The following ZFHX2 variants were observed in gnomAD, a reference collection of about 807,000 sequenced individuals.
ZFHX2 encodes zinc finger homeobox protein 2.
A neutral mutation model predicts 164.8 loss-of-function variants in ZFHX2; 75 were observed. That is an observed-to-expected ratio of 0.46 (90% confidence interval 0.38 to 0.55). The LOEUF is 0.55. Among genes scored for constraint, ZFHX2 ranks in the 20% least tolerant of loss-of-function variants. The probability of loss-of-function intolerance (pLI) is 0.00; values close to 1 mark genes in which losing one functional copy is unlikely to be tolerated. For missense variants in ZFHX2, 2,933 were observed against 3,308.0 expected (o/e 0.89, Z 2.78); for synonymous variants, 1,217 against 1,351.4 (o/e 0.90, Z 2.18).
upstream of ZFHX2, among the ~76,000 whole-genome samples, chr14:23,553,483 C>T (rs1449139482): frequency 6.6e-6 from 1 of 152,070 alleles, no homozygotes; most frequent in Non-Finnish European, 1.5e-5. Flanking sequence ...CCTGTAATCC[C>T]AGCTACTCGG....
chr14:23,547,358 T>C (rs1028495482), intron 1 of ZFHX2, among the ~76,000 whole-genome samples: 5 of 152,258 alleles, frequency 3.3e-5, no homozygotes, highest in African/African-American at 1.2e-4. Flanking sequence ...CCATTGTATA[T>C]ATACGGTTAT....
At position 23,534,232 on chromosome 14, in the gene ZFHX2, A is replaced by G; in HGVS notation, c.1094T>C (p.Val365Ala). The change falls in exon 2 of 10, where the codon GTA becomes GCA. Residue 365 changes from valine to alanine, a missense_variant. Physicochemically the swap from Val to Ala is moderately conservative, Grantham distance 64 (BLOSUM62 0). Transcript: ENST00000419474. This position sits in a 1 kb window ranked among gnomAD's most constrained non-coding sequence, Gnocchi z 4.5. ...PSPTQAKESP[V>A]AAGEAGPDWF... is the part of the protein sequence containing the mutation. Reference sequence around the variant, plus strand: ...ATCTGGCCCTGCCTCGCCTGCTGCTACTGGCGATTCTTTGGCTTGGGTTGG... The same window carrying G: ...ATCTGGCCCTGCCTCGCCTGCTGCTGCTGGCGATTCTTTGGCTTGGGTTGG... 6.6e-7 allele frequency: 1 copy of G among 1,518,034 alleles called. No homozygotes were observed. Among genetic ancestry groups the G allele is most frequent in the Non-Finnish European group, 8.8e-7 (1 of 1,136,842 alleles). 94.0% of individuals were successfully genotyped at this position (1,518,034 alleles called of 1,614,324 possible).
chr14:23,527,556 A>AATAAGGGAG, intron 7 of ZFHX2, 48 bp downstream of exon 7: 1 of 1,532,104 alleles, frequency 6.5e-7, no homozygotes, highest in Non-Finnish European at 8.7e-7. Flanking sequence ...CCTCCTGCAC[A>AATAAGGGAG]GCCCTAATAA....
chr14:23,523,174 G>GTCCA lies in ZFHX2; in HGVS notation c.6739+25_6739+28dup. The stretch of plus-strand genomic sequence containing the variant: ...TCATTAGAGGGGGATGTTCTCTGAA[G>GTCCA]TCCAGCTCCTCCCAGCCTCCCTACT... On this transcript the variant is annotated intron_variant, in intron 9 of 9. Transcript: ENST00000419474. The surrounding 1 kb of genome is among the most constrained non-coding windows in gnomAD (Gnocchi z 4.1). 1 of 1,413,446 alleles carries GTCCA rather than the reference G, an allele frequency of 7.1e-7. No homozygotes were observed. Among genetic ancestry groups the GTCCA allele is most frequent in the Non-Finnish European group, 9.2e-7 (1 of 1,089,628 alleles). The allele number at this position is 1,413,446 out of a possible 1,614,324, so 87.6% of individuals were successfully genotyped here. A position where few individuals can be genotyped will look rare whatever the true frequency, so the allele number is the denominator to read the frequency against.
intron 1 of ZFHX2, chr14:23,543,444 T>C (rs1199137942): frequency 6.6e-6 from 1 of 152,314 alleles, no homozygotes; most frequent in Non-Finnish European, 1.5e-5. Context: ...TGAGGTCTTT[T>C]GAGTCTGATT....
chr14:23,522,201 T>C lies in ZFHX2; in HGVS notation c.7480A>G (p.Thr2494Ala). Residue 2494 changes from threonine (T) to alanine (A), a missense_variant, in exon 10 of 10, where the codon ACC (threonine) becomes GCC (alanine). Coordinates refer to ENST00000419474, the MANE Select transcript of ZFHX2 (RefSeq NM_033400.3). ...MPPPLRVPIC[T>A]YHCLACEVLL... ...ACCTCACATGCCAGGCAGTGGTAGG[T>C]GCAGATGGGCACCCGCAATGGGGGT... The C allele has an allele frequency of 6.7e-7, 1 of 1,483,790 alleles. No homozygotes were observed. Among genetic ancestry groups the C allele is most frequent in the Non-Finnish European group, 8.9e-7 (1 of 1,119,946 alleles). The allele number at this position is 1,483,790 out of a possible 1,614,324, so 91.9% of individuals were successfully genotyped here. A position where few individuals can be genotyped will look rare whatever the true frequency, so the allele number is the denominator to read the frequency against.
Position 23,534,980 on chromosome 14 carries a change from A to G in ZFHX2, c.346T>C (p.Phe116Leu). The G allele has an allele frequency of 6.5e-7, 1 of 1,536,130 alleles. No homozygotes were observed. Among genetic ancestry groups the G allele is most frequent in the Non-Finnish European group, 8.7e-7 (1 of 1,146,906 alleles). Reference protein sequence around the residue: ...PPMDLSNHLFFTAGGEAYLVA... With the variant: ...PPMDLSNHLFLTAGGEAYLVA... ...AGGTAGGCCTCACCTCCAGCTGTGAAGAATAAGTGGTTGCTTAGGTCCATG... is the reference window on the plus strand; with the variant it reads ...AGGTAGGCCTCACCTCCAGCTGTGAGGAATAAGTGGTTGCTTAGGTCCATG... The change falls in exon 2 of 10, where the codon TTC becomes CTC. Residue 116 changes from phenylalanine to leucine, a missense_variant. Phe to Leu is a conservative substitution (Grantham distance 22). Transcript: ENST00000419474. This position sits in a 1 kb window ranked among gnomAD's most constrained non-coding sequence, Gnocchi z 4.5.
upstream of ZFHX2, among the ~76,000 whole-genome samples, chr14:23,553,447 A>G (rs2138961613): frequency 6.6e-6 from 1 of 152,070 alleles, no homozygotes; most frequent in Admixed American, 6.5e-5. Context: ...TAAAAATACA[A>G]AATTAGCTGG....
At position 23,534,329 on chromosome 14, in the gene ZFHX2, G is replaced by A; in HGVS notation, c.997C>T (p.Leu333Phe). 2 of 1,536,540 alleles carry A rather than the reference G, an allele frequency of 1.3e-6. No individual in the cohort carries two copies. Among genetic ancestry groups the A allele is most frequent in the Non-Finnish European group, 8.7e-7 (1 of 1,146,954 alleles). The change falls in exon 2 of 10, where the codon CTT becomes TTT. Residue 333 changes from leucine to phenylalanine, a missense_variant. Leu to Phe is a conservative substitution (Grantham distance 22, BLOSUM62 0). Coordinates refer to ENST00000419474, the MANE Select transcript of ZFHX2 (RefSeq NM_033400.3). This position sits in a 1 kb window ranked among gnomAD's most constrained non-coding sequence, Gnocchi z 4.5. ...DGPPEAEVQA[L>F]ILLDEEVMAL... ...ATAACTTCTTCATCCAGGAGGATAA[G>A]GGCCTGGACTTCTGCCTCAGGGGGG...
chr14:23,552,435 GGCAT>G (rs1328255014), upstream of ZFHX2, among the ~76,000 whole-genome samples: 2 of 151,810 alleles, frequency 1.3e-5, no homozygotes, highest in Admixed American at 1.3e-4. Flanking sequence ...TGGGATTACA[GGCAT>G]GCATCAACAC....
chr14:23,526,996 G>A (rs1016615008), intron 7 of ZFHX2, 23 bp from the exon 8 acceptor site: 26 of 1,484,346 alleles, frequency 1.8e-5, no homozygotes, highest in Non-Finnish European at 2.1e-5. Flanking sequence ...AAAGCCTAGT[G>A]GCTTCACCAC....
At chr14:23,527,160 C>T (rs2138702134) in intron 7 of ZFHX2, among the ~76,000 whole-genome samples, 187 bp from the exon 8 acceptor site, 1 of 152,286 alleles carries the variant, frequency 6.6e-6, no homozygotes. Context: ...GCTGCTACCT[C>T]TCCTATCTGG....
At chr14:23,536,757 C>G (rs1277242218) in intron 1 of ZFHX2, among the ~76,000 whole-genome samples, 1 of 152,170 alleles carries the variant, frequency 6.6e-6, no homozygotes, top group Non-Finnish European at 1.5e-5. Flanking sequence ...ACTGAGTAAA[C>G]CCCAAAGTTG....
At chr14:23,540,466 A>C (rs759199077) in intron 1 of ZFHX2, among the ~76,000 whole-genome samples, 2 of 152,176 alleles carry the variant, frequency 1.3e-5, no homozygotes, top group Non-Finnish European at 2.9e-5. Flanking sequence ...CCTGTTGATT[A>C]CAAGAGGAGG....
At position 23,534,923 on chromosome 14, in the gene ZFHX2, C is replaced by G; in HGVS notation, c.403G>C (p.Glu135Gln). 6.5e-7 allele frequency: 1 copy of G among 1,536,172 alleles called. No individual in the cohort carries two copies. Among genetic ancestry groups the G allele is most frequent in the South Asian group, 1.2e-5 (1 of 84,064 alleles). Residue 135 changes from glutamate to glutamine, a missense_variant, in exon 2 of 10, where the codon GAA becomes CAA. Coordinates refer to ENST00000419474, the MANE Select transcript of ZFHX2 (RefSeq NM_033400.3). This position sits in a 1 kb window ranked among gnomAD's most constrained non-coding sequence, Gnocchi z 4.5. Reference sequence around the variant, plus strand: ...GGGAAGCCCTTTGGTAACAGGAGTTCACTGCCACCTGGCAGGGACAGCTTG... The same window carrying G: ...GGGAAGCCCTTTGGTAACAGGAGTTGACTGCCACCTGGCAGGGACAGCTTG... ...VAKLSLPGGS[E>Q]LLLPKGFPWG...
chr14:23,531,352 C>T, intron 4 of ZFHX2, 129 bp downstream of exon 4: 2 of 1,265,674 alleles, frequency 1.6e-6, no homozygotes, highest in Non-Finnish European at 2.0e-6. Context: ...GCAGCTTCTT[C>T]CCATTTAGTA....
intron 6 of ZFHX2, among the ~76,000 whole-genome samples, chr14:23,528,016 C>T (rs1879000612): frequency 6.6e-6 from 1 of 151,474 alleles, no homozygotes; most frequent in South Asian, 2.1e-4. Context: ...AAGCAATTCT[C>T]CTGCCCTCAG....
In ZFHX2 at chr14:23,534,509, C is replaced by A. The variant is rs1879943700; in HGVS notation, c.817G>T (p.Gly273Cys). The change falls in exon 2 of 10, where the codon GGT becomes TGT. Residue 273 changes from glycine to cysteine, a missense_variant. By Grantham distance (159) the Gly-to-Cys change is radical. Coordinates refer to ENST00000419474, the MANE Select transcript of ZFHX2 (RefSeq NM_033400.3). This position sits in a 1 kb window ranked among gnomAD's most constrained non-coding sequence, Gnocchi z 4.5. ...LTPAQYQGLSGSPAVLQEGDE... is the reference protein window; with the variant it reads ...LTPAQYQGLSCSPAVLQEGDE... ...CCCTCCTGGAGTACAGCTGGGCTAC[C>A]TGACAGGCCCTGATATTGGGCAGGG... is the stretch of plus-strand genomic sequence containing the variant. The A allele has an allele frequency of 1.3e-6, 2 of 1,536,166 alleles. No homozygotes were observed. Among genetic ancestry groups the A allele is most frequent in the African/African-American group, 1.4e-5 (1 of 73,158 alleles).
At position 23,525,335 on chromosome 14, in the gene ZFHX2, G is replaced by T. The variant is rs1403621393; in HGVS notation, c.4607C>A (p.Pro1536His). Residue 1536 changes from proline to histidine, a missense_variant, in exon 9 of 10, where the codon CCT (proline) becomes CAT (histidine). By Grantham distance (77) the Pro-to-His change is moderately conservative. Transcript: ENST00000419474. This position sits in a 1 kb window ranked among gnomAD's most constrained non-coding sequence, Gnocchi z 5.9. ...LYPPLAEPPK[P>H]PDGSLDSPVP... ...AGGTGAATCCAGAGACCCATCAGGAGGTTTGGGAGGCTCTGCAAGGGGCGG... is the reference window on the plus strand; with the variant it reads ...AGGTGAATCCAGAGACCCATCAGGATGTTTGGGAGGCTCTGCAAGGGGCGG... The T allele has an allele frequency of 2.0e-6, 3 of 1,536,114 alleles. No homozygotes were observed. Among genetic ancestry groups the T allele is most frequent in the South Asian group, 2.4e-5 (2 of 84,066 alleles).
Sources: allele counts gnomAD v4.1 joint callset (sites outside exome capture counted in the v4.1 genomes callset), GRCh38; gene constraint gnomAD v4.1.1; non-coding constraint Gnocchi (gnomAD v3.1); transcripts MANE v1.5; gene names NCBI Gene and HGNC (gene_info 2026-07-23, HGNC 2026-07-21).